Variants in CEP192 observed in about 807,000 individuals in gnomAD.
CEP192 encodes centrosomal protein of 192 kDa.
A neutral mutation model predicts 271.8 loss-of-function variants in CEP192; 151 were observed. The ratio of observed to expected loss-of-function variants is 0.56; its 90% CI spans 0.49 to 0.64. The LOEUF (loss-of-function observed/expected upper bound fraction) is 0.64, where lower values mean the gene tolerates loss of function less well. Among genes scored for constraint, CEP192 ranks in the 30% least tolerant of loss-of-function variants. The probability of loss-of-function intolerance (pLI) is 0.00; values close to 1 mark genes in which losing one functional copy is unlikely to be tolerated. For missense variants in CEP192, 2,910 were observed against 3,020.5 expected, an observed-to-expected ratio of 0.96 and a Z score of 0.86; for synonymous variants, 995 against 1,076.5, an observed-to-expected ratio of 0.92 and a Z score of 1.48.
chr18:12,999,624 A>G (rs973306485), intron 2 of CEP192, 36 bp downstream of exon 2: 19 of 1,452,690 alleles, frequency 1.3e-5, no homozygotes, highest in South Asian at 4.1e-5. Flanking sequence ...TTCCAGGTCC[A>G]TAAAGCCTAT....
At chr18:13,117,095 G>T (rs1239537307) in intron 43 of CEP192, among the ~76,000 whole-genome samples, 1 of 151,934 alleles carries the variant, frequency 6.6e-6, no homozygotes, top group African/African-American at 2.4e-5. Context: ...ATGGTGGCAG[G>T]TACCTGTAGT....
At chr18:13,041,626 C>CGT (rs2036210973) in intron 14 of CEP192, among the ~76,000 whole-genome samples, 1 of 149,876 alleles carries the variant, frequency 6.7e-6, no homozygotes, top group Admixed American at 6.7e-5. Context: ...CACACAGTGG[C>CGT]GTGATCTCGG....
At chr18:13,084,508 G>T (rs189664266) in intron 30 of CEP192, among the ~76,000 whole-genome samples, 26 of 152,296 alleles carry the variant, frequency 1.7e-4, no homozygotes, top group African/African-American at 6.0e-4. Context: ...GGATTGTCCC[G>T]ATTTTCCAGG....
chr18:13,037,815 A>G (rs2035994329), intron 12 of CEP192, among the ~76,000 whole-genome samples: 1 of 152,166 alleles, frequency 6.6e-6, no homozygotes, highest in Admixed American at 6.6e-5. Flanking sequence ...TTGGCCTCCC[A>G]AAGTGCTGGG....
intron 36 of CEP192, among the ~76,000 whole-genome samples, chr18:13,098,384 G>C (rs1041486920): frequency 6.6e-6 from 1 of 150,980 alleles, no homozygotes; most frequent in East Asian, 2.0e-4. Flanking sequence ...CTTCCCAGAC[G>C]GGGCGGCTGC....
intron 33 of CEP192, 66 bp from the exon 34 acceptor site, chr18:13,092,311 T>C: frequency 9.2e-7 from 1 of 1,089,226 alleles, no homozygotes; most frequent in South Asian, 1.5e-5. Context: ...TATACAAATG[T>C]ATCTGTTACT....
At chr18:13,080,589 A>G (rs2038546383) in intron 30 of CEP192, among the ~76,000 whole-genome samples, 1 of 152,184 alleles carries the variant, frequency 6.6e-6, no homozygotes, top group African/African-American at 2.4e-5. Context: ...GCAAACAGGG[A>G]CAATTTGACT....
At position 13,008,469 on chromosome 18, in the gene CEP192, A is replaced by G; in HGVS notation, c.304A>G (p.Lys102Glu). ...CTAATAAAAAAGTTCTATCTCTAGG[A>G]AAAAGAGCTATGTGGAAAGTCAACG... The part of the protein sequence containing the change: ...SFQDDDSISR[K>E]KSYVESQRLS... Residue 102 changes from lysine to glutamate, a missense_variant, in exon 4 of 45, where the codon AAA becomes GAA. Physicochemically the swap from Lys to Glu is moderately conservative, Grantham distance 56. Transcript: ENST00000506447. 1.3e-6 allele frequency: 2 copies of G among 1,545,882 alleles called. No individual in the cohort carries two copies. The highest frequency in any genetic ancestry group is 1.7e-6 in the Non-Finnish European group (2 of 1,144,390).
chr18:12,998,179 T>A (rs1163453959), intron 1 of CEP192, among the ~76,000 whole-genome samples: 15 of 152,308 alleles, frequency 9.8e-5, no homozygotes, highest in Non-Finnish European at 1.5e-4. Flanking sequence ...GTCTTCCAGG[T>A]TTTTAAGTCC....
intron 21 of CEP192, among the ~76,000 whole-genome samples, chr18:13,059,704 G>T (rs1256335113): frequency 2.0e-5 from 3 of 152,098 alleles, no homozygotes; most frequent in African/African-American, 7.2e-5. Context: ...AAGAAATTAG[G>T]TCTGGCCAAG....
intron 14 of CEP192, 75 bp from the exon 15 acceptor site, chr18:13,042,129 C>T: frequency 7.9e-7 from 1 of 1,262,246 alleles, no homozygotes; most frequent in Non-Finnish European, 1.1e-6. Context: ...AGTCATTTTG[C>T]CTGGTCCTTA....
chr18:13,035,619 C>G (rs1310119488), intron 11 of CEP192, among the ~76,000 whole-genome samples: 1 of 152,146 alleles, frequency 6.6e-6, no homozygotes, highest in African/African-American at 2.4e-5. Context: ...CACAGCCAAA[C>G]CATATTACCC....
intron 21 of CEP192, among the ~76,000 whole-genome samples, chr18:13,065,002 ATTAAG>A (rs2037616048): frequency 6.6e-6 from 1 of 151,964 alleles, no homozygotes; most frequent in African/African-American, 2.4e-5. Context: ...TACTTCTTTG[ATTAAG>A]TTAATTCCTG....
At chr18:13,097,644 CTAT>C (rs1338972242) in intron 36 of CEP192, among the ~76,000 whole-genome samples, 1 of 132,808 alleles carries the variant, frequency 7.5e-6, no homozygotes, top group Non-Finnish European at 1.6e-5. Context: ...TTTTTTTTAA[CTAT>C]TATTTTTTTT....
intron 44 of CEP192, among the ~76,000 whole-genome samples, chr18:13,118,870 T>C (rs1356878325): frequency 2.0e-5 from 3 of 152,212 alleles, no homozygotes; most frequent in Non-Finnish European, 4.4e-5. Context: ...CAACACTCAC[T>C]CTACAGATTT....
At chr18:13,034,012 G>A (rs1316036127) in intron 11 of CEP192, among the ~76,000 whole-genome samples, 2 of 152,280 alleles carry the variant, frequency 1.3e-5, no homozygotes, top group East Asian at 3.9e-4. Context: ...CTAGGGTCAG[G>A]GATGGGGAGA....
At chr18:13,026,107 G>C (rs1486638516) in intron 9 of CEP192, among the ~76,000 whole-genome samples, 1 of 152,148 alleles carries the variant, frequency 6.6e-6, no homozygotes, top group Non-Finnish European at 1.5e-5. Context: ...TTTCATGTTT[G>C]AAGGATAATT....
chr18:13,011,561 C>T (rs1349285899), intron 4 of CEP192, among the ~76,000 whole-genome samples: 1 of 151,996 alleles, frequency 6.6e-6, no homozygotes, highest in Non-Finnish European at 1.5e-5. Flanking sequence ...CTTGCTCTGT[C>T]ACACCTAGTG....
rs114405491 is a variant in CEP192 at position 13,076,664 on chromosome 18, G to A, written c.5616+3479G>A. Among the ~76,000 whole-genome samples, 716 of 152,174 alleles carry A rather than the reference G, an allele frequency of 4.7e-3. 5 individuals are homozygous for A. The highest frequency in any genetic ancestry group is 0.016 in the African/African-American group (659 of 41,498). On this transcript the variant is annotated intron_variant, in intron 30 of 44. Transcript: ENST00000506447. ...TTAGTTTCGTTGATAAAATTTACTC[G>A]TACGTTTCTATGGAAAAAGAAAAAT...
Sources: gnomAD v4.1 joint callset for allele counts (sites outside exome capture counted in the v4.1 genomes callset) on GRCh38, gnomAD v4.1.1 for gene constraint, MANE v1.5 for transcripts, NCBI Gene and HGNC (gene_info 2026-07-23, HGNC 2026-07-21) for gene names.